HMGA2: variants seen among roughly 807,000 people sequenced by gnomAD.
The protein encoded by HMGA2 is high mobility group protein HMGI-C.
A neutral mutation model predicts 19.1 loss-of-function variants in HMGA2; 8 were observed. The observed-to-expected ratio is 0.42, with a 90% confidence interval of 0.25 to 0.76. HMGA2 has a LOEUF of 0.76. Among genes scored for constraint, HMGA2 ranks in the 30% least tolerant of loss-of-function variants. The probability of loss-of-function intolerance (pLI) is 0.28; values close to 1 mark genes in which losing one functional copy is unlikely to be tolerated. For missense variants in HMGA2, 109 were observed against 136.3 expected, an observed-to-expected ratio of 0.80 and a Z score of 1.00; for synonymous variants, 60 against 48.8, an observed-to-expected ratio of 1.23 and a Z score of -0.96.
At position 65,934,172 on chromosome 12, in the gene HMGA2, G is replaced by T. The variant is rs554958804; in HGVS notation, c.250-17211G>T. Reference sequence around the variant, plus strand: ...AAGTGCTTTAATTCAGATTTAAATGGCTACATTGCGAGATATTATTCCATA... The same window carrying T: ...AAGTGCTTTAATTCAGATTTAAATGTCTACATTGCGAGATATTATTCCATA... On this transcript the variant is annotated intron_variant, in intron 3 of 4. Transcript: ENST00000403681. Among the ~76,000 whole-genome samples, 6 of 152,226 alleles carry T rather than the reference G, an allele frequency of 3.9e-5. No homozygotes were observed. In the South Asian group the frequency reaches 1.2e-3, roughly 32 times the overall value.
chr12:65,922,252 C>T (rs1270873081), intron 3 of HMGA2, among the ~76,000 whole-genome samples: 3 of 152,140 alleles, frequency 2.0e-5, no homozygotes, highest in Non-Finnish European at 4.4e-5. Flanking sequence ...CACAGACACT[C>T]AACACCAGCC....
intron 3 of HMGA2, among the ~76,000 whole-genome samples, chr12:65,861,130 G>C (rs1186252461): frequency 1.3e-5 from 2 of 152,188 alleles, no homozygotes; most frequent in Non-Finnish European, 2.9e-5. Context: ...CACTTTGAGA[G>C]GCCAAGGCAG....
intron 3 of HMGA2, chr12:65,914,954 C>A: frequency 1.3e-6 from 2 of 1,485,876 alleles, no homozygotes; most frequent in East Asian, 2.3e-5. Flanking sequence ...GGAATACAGG[C>A]GTGAGCCATC....
Position 65,868,105 on chromosome 12 carries a change from T to C in HMGA2, c.249+29536T>C, listed in dbSNP as rs1872522999. ...TTATGCATCTGAGAGGGAGCAAATA[T>C]TCAGTAACTTTCTGCAGCTGTCCTC... is the stretch of plus-strand genomic sequence containing the variant. On this transcript the variant is annotated intron_variant, in intron 3 of 4. Coordinates refer to ENST00000403681, the MANE Select transcript of HMGA2 (RefSeq NM_003483.6). Among the ~76,000 whole-genome samples the C allele has an allele frequency of 2.0e-5, 3 of 152,322 alleles. No individual in the cohort carries two copies. The South Asian group carries it at 6.2e-4, about 32-fold the overall frequency.
At chr12:65,842,606 G>A (rs1482420887) in intron 3 of HMGA2, 2 of 1,535,240 alleles carry the variant, frequency 1.3e-6, no homozygotes, top group Non-Finnish European at 1.7e-6. Context: ...GTTTTACATT[G>A]CAGCTTAGAA....
At chr12:65,842,707 C>G in intron 3 of HMGA2, 1 of 1,486,076 alleles carries the variant, frequency 6.7e-7, no homozygotes, top group Non-Finnish European at 9.0e-7. Context: ...GATGTACATA[C>G]AGAGATGTGC....
In HMGA2 at chr12:65,825,020, G is replaced by A; in HGVS notation, c.-251G>A. ...CCTCCGGCACCCACCCACCGCCGCC[G>A]CCGCCACCGGCAGCGCCTCCTCCTC... is the stretch of plus-strand genomic sequence containing the variant. On this transcript the variant is annotated 5_prime_UTR_variant, in exon 1 of 5. Coordinates refer to ENST00000403681, the MANE Select transcript of HMGA2 (RefSeq NM_003483.6). This position sits in a 1 kb window ranked among gnomAD's most constrained non-coding sequence, Gnocchi z 4.4. 1 of 415,674 alleles carries A rather than the reference G, an allele frequency of 2.4e-6. No homozygotes were observed. 25.7% of individuals were successfully genotyped at this position (415,674 alleles called of 1,614,324 possible).
At chr12:65,925,710 G>T (rs775846721) in intron 3 of HMGA2, among the ~76,000 whole-genome samples, 15 of 152,192 alleles carry the variant, frequency 9.9e-5, no homozygotes, top group Non-Finnish European at 7.3e-5. Context: ...AATTAATCAG[G>T]TTAAGTCATG....
At chr12:65,876,075 G>T (rs1359965638) in intron 3 of HMGA2, among the ~76,000 whole-genome samples, 1 of 152,010 alleles carries the variant, frequency 6.6e-6, no homozygotes, top group Non-Finnish European at 1.5e-5. Context: ...CAACAAAATT[G>T]CTTCTTTGGA....
At chr12:65,849,615 A>G (rs1012655570) in intron 3 of HMGA2, among the ~76,000 whole-genome samples, 8 of 151,700 alleles carry the variant, frequency 5.3e-5, no homozygotes, top group African/African-American at 1.9e-4. Context: ...TCTCCTTATT[A>G]TAATTTCTTA....
intron 3 of HMGA2, among the ~76,000 whole-genome samples, chr12:65,844,808 G>A (rs1871168265): frequency 6.6e-6 from 1 of 152,162 alleles, no homozygotes; most frequent in Non-Finnish European, 1.5e-5. Context: ...AAATAGCATC[G>A]ACTATCACCA....
At chr12:65,938,584 C>G (rs1875974666) in intron 3 of HMGA2, among the ~76,000 whole-genome samples, 1 of 152,172 alleles carries the variant, frequency 6.6e-6, no homozygotes, top group Non-Finnish European at 1.5e-5. Flanking sequence ...ATGCTAACAA[C>G]TCCCTTATTA....
At chr12:65,870,582 T>C (rs1379665323) in intron 3 of HMGA2, among the ~76,000 whole-genome samples, 1 of 151,586 alleles carries the variant, frequency 6.6e-6, no homozygotes, top group East Asian at 1.9e-4. Context: ...ATACAAAAAT[T>C]AGCCAGGCGT....
chr12:65,888,329 G>C (rs988773973), intron 3 of HMGA2, among the ~76,000 whole-genome samples: 4 of 151,212 alleles, frequency 2.6e-5, no homozygotes, highest in Admixed American at 6.6e-5. Flanking sequence ...AGTGGTGTGC[G>C]CCTATGATCC....
At chr12:65,950,600 T>G (rs1876424768) in intron 3 of HMGA2, among the ~76,000 whole-genome samples, 1 of 152,146 alleles carries the variant, frequency 6.6e-6, no homozygotes, top group Admixed American at 6.5e-5. Context: ...GGGTACAAGA[T>G]TTCTTTTAGA....
At chr12:65,942,445 C>T (rs1014432747) in intron 3 of HMGA2, among the ~76,000 whole-genome samples, 1 of 151,918 alleles carries the variant, frequency 6.6e-6, no homozygotes, top group Non-Finnish European at 1.5e-5. Flanking sequence ...ATATGTATAG[C>T]GTTCCTTTTT....
At chr12:65,905,557 G>A (rs575524684) in intron 3 of HMGA2, among the ~76,000 whole-genome samples, 1 of 152,264 alleles carries the variant, frequency 6.6e-6, no homozygotes, top group South Asian at 2.1e-4. Context: ...ACCTGTGTGT[G>A]GACACTAACT....
At chr12:65,915,240 C>G (rs2121226237) in intron 3 of HMGA2, 2 of 1,569,952 alleles carry the variant, frequency 1.3e-6, no homozygotes, top group Non-Finnish European at 8.6e-7. Flanking sequence ...AGAAACCTAT[C>G]AGGTGTCTTT....
intron 3 of HMGA2, among the ~76,000 whole-genome samples, chr12:65,862,457 A>G (rs2120988519): frequency 6.6e-6 from 1 of 152,322 alleles, no homozygotes; most frequent in East Asian, 1.9e-4. Flanking sequence ...CTACATTTTT[A>G]TATTACACAG....
Sources: allele counts gnomAD v4.1 joint callset (sites outside exome capture counted in the v4.1 genomes callset), GRCh38; gene constraint gnomAD v4.1.1; non-coding constraint Gnocchi (gnomAD v3.1); transcripts MANE v1.5; gene names NCBI Gene and HGNC (gene_info 2026-07-23, HGNC 2026-07-21).